The following ATXN10 variants were observed in gnomAD, a reference collection of about 807,000 sequenced individuals.
The protein encoded by ATXN10 is ataxin 10, also known as ataxin-10.
In ATXN10, 28 loss-of-function variants were observed where a neutral mutation model predicts 52.9. That is an observed-to-expected ratio of 0.53 (90% confidence interval 0.39 to 0.73). The LOEUF (loss-of-function observed/expected upper bound fraction) is 0.73. Ranked by LOEUF, ATXN10 falls within the 30% of genes least tolerant of loss-of-function variation. The pLI, the probability that ATXN10 is intolerant of heterozygous loss-of-function variation, is 0.00. For missense variants in ATXN10, 565 were observed against 577.0 expected, an observed-to-expected ratio of 0.98 and a Z score of 0.21; for synonymous variants, 226 against 221.5, an observed-to-expected ratio of 1.02 and a Z score of -0.18.
Position 45,727,337 on chromosome 22 carries a change from A to ATCTATCTG in ATXN10, c.729-2081_729-2080insGTCTATCT, listed in dbSNP as rs1332310979. On this transcript the variant is annotated intron_variant, in intron 6 of 11. Coordinates refer to ENST00000252934, the MANE Select transcript of ATXN10 (RefSeq NM_013236.4). This position sits in a 1 kb window ranked among gnomAD's most constrained non-coding sequence, Gnocchi z 4.6. ...TCTGTCTGTCTATCTATCTATATCT[A>ATCTATCTG]TCTATCTATCTATCTATCTATCTAT... is the stretch of plus-strand genomic sequence containing the variant. Among the ~76,000 whole-genome samples the ATCTATCTG allele has an allele frequency of 8.0e-5, 12 of 150,098 alleles. 1 individual carries two copies. In the East Asian group the frequency reaches 1.4e-3, roughly 17 times the overall value.
chr22:45,821,921 G>T (rs541972891), intron 10 of ATXN10, among the ~76,000 whole-genome samples: 1 of 152,160 alleles, frequency 6.6e-6, no homozygotes, highest in East Asian at 1.9e-4. Context: ...CACTCAGGTC[G>T]AGAGGCAAAA....
chr22:45,695,056 C>T (rs976857928), intron 3 of ATXN10, among the ~76,000 whole-genome samples: 12 of 149,166 alleles, frequency 8.0e-5, no homozygotes, highest in East Asian at 4.1e-4. Flanking sequence ...GTTGGCTGGG[C>T]GCAGTGGCTC....
intron 10 of ATXN10, among the ~76,000 whole-genome samples, chr22:45,809,920 C>T (rs897650343): frequency 6.6e-6 from 1 of 152,002 alleles, no homozygotes; most frequent in Non-Finnish European, 1.5e-5. Flanking sequence ...AAATTCTTTA[C>T]TTTTAGTCAA....
intron 9 of ATXN10, among the ~76,000 whole-genome samples, chr22:45,791,269 T>C (rs563943344): frequency 3.9e-5 from 6 of 152,356 alleles, no homozygotes; most frequent in African/African-American, 1.4e-4. Flanking sequence ...TTTCTGAACA[T>C]CCTTGATTTC....
Position 45,681,118 on chromosome 22 carries a change from A to C in ATXN10, c.117-8594A>C, listed in dbSNP as rs1021909696. 2.6e-5 allele frequency among the ~76,000 whole-genome samples: 4 copies of C among 152,244 alleles called. No individual in the cohort carries two copies. Among genetic ancestry groups the C allele is most frequent in the Non-Finnish European group, 4.4e-5 (3 of 68,044 alleles). ...TGTGGTTAAAAGAGACCTTTGGGTC[A>C]GTCTGCCTCATTCCTTGAAGAGTTT... is the stretch of plus-strand genomic sequence containing the variant. On this transcript the variant is annotated intron_variant, in intron 1 of 11. Transcript: ENST00000252934. This position sits in a 1 kb window ranked among gnomAD's most constrained non-coding sequence, Gnocchi z 4.2.
chr22:45,834,857 C>T (rs764361142), intron 10 of ATXN10, among the ~76,000 whole-genome samples: 18 of 152,112 alleles, frequency 1.2e-4, no homozygotes, highest in Non-Finnish European at 2.1e-4. Flanking sequence ...TGGCTCCTTC[C>T]GAGTCTCAGA....
intron 2 of ATXN10, 80 bp from the exon 3 acceptor site, chr22:45,692,916 C>T (rs1230668290): frequency 8.8e-7 from 1 of 1,142,232 alleles, no homozygotes; most frequent in Middle Eastern, 1.9e-4. Context: ...TCTCAGCTCT[C>T]CCATTGTAGT....
intron 9 of ATXN10, among the ~76,000 whole-genome samples, chr22:45,791,029 A>C (rs1927490258): frequency 6.6e-6 from 1 of 151,996 alleles, no homozygotes; most frequent in African/African-American, 2.4e-5. Context: ...TAATTTTTTA[A>C]AAAATTATTT....
At chr22:45,771,042 C>T (rs1397100079) in intron 9 of ATXN10, among the ~76,000 whole-genome samples, 1 of 152,136 alleles carries the variant, frequency 6.6e-6, no homozygotes, top group Admixed American at 6.5e-5. Flanking sequence ...ACCCTGGCAG[C>T]TTCCTATAAA....
At position 45,792,828 on chromosome 22, in the gene ATXN10, A is replaced by G. The variant is rs924463512; in HGVS notation, c.1174-14131A>G. The G allele has an allele frequency of 7.5e-6, 4 of 532,132 alleles. No homozygotes were observed. The East Asian group carries it at 2.1e-4, about 27-fold the overall frequency. The allele number at this position is 532,132 out of a possible 1,614,324, so 33.0% of individuals were successfully genotyped here. A position where few individuals can be genotyped will look rare whatever the true frequency, so the allele number is the denominator to read the frequency against. On this transcript the variant is annotated intron_variant, in intron 9 of 11. Transcript: ENST00000252934. Reference sequence around the variant, plus strand: ...CTGTACTTTGAATAATGAGGCCAAAAGAGTCATTGGCTTTGGTGAAAAACC... The same window carrying G: ...CTGTACTTTGAATAATGAGGCCAAAGGAGTCATTGGCTTTGGTGAAAAACC...
At chr22:45,693,735 A>G (rs117971313) in intron 3 of ATXN10, among the ~76,000 whole-genome samples, 2 of 152,256 alleles carry the variant, frequency 1.3e-5, no homozygotes, top group East Asian at 3.9e-4. Context: ...AGGTAAAATG[A>G]GGGTATATGA....
chr22:45,816,762 C>T lies in ATXN10; in HGVS notation c.1237+9740C>T, dbSNP rs184209473. Among the ~76,000 whole-genome samples, 10 of 152,184 alleles carry T rather than the reference C, an allele frequency of 6.6e-5. No homozygotes were observed. Among genetic ancestry groups the T allele is most frequent in the Admixed American group, 3.3e-4 (5 of 15,286 alleles). On this transcript the variant is annotated intron_variant, in intron 10 of 11. Coordinates refer to ENST00000252934, the MANE Select transcript of ATXN10 (RefSeq NM_013236.4). This position sits in a 1 kb window ranked among gnomAD's most constrained non-coding sequence, Gnocchi z 5.8. Reference sequence around the variant, plus strand: ...GCAGATGTTCTGGCTTGCAGAACCTCGTGGAGTCTTTATTAGTCACATGTG... The same window carrying T: ...GCAGATGTTCTGGCTTGCAGAACCTTGTGGAGTCTTTATTAGTCACATGTG...
chr22:45,842,954 GAA>G lies in ATXN10; in HGVS notation c.1238-35_1238-34del. 1 of 1,601,766 alleles carries G rather than the reference GAA, an allele frequency of 6.2e-7. No individual in the cohort carries two copies. The highest frequency in any genetic ancestry group is 8.6e-7 in the Non-Finnish European group (1 of 1,168,798). On this transcript the variant is annotated intron_variant, in intron 10 of 11. Transcript: ENST00000252934. This position sits in a 1 kb window ranked among gnomAD's most constrained non-coding sequence, Gnocchi z 4.8. ...ATTCTTATGTGAAGTTATCAAACAG[GAA>G]AGTACGTTGTCACATTCCTTCACTC...
chr22:45,700,237 GT>G lies in ATXN10; in HGVS notation c.392-42del, dbSNP rs767126969. On this transcript the variant is annotated intron_variant, in intron 3 of 11. Transcript: ENST00000252934. Reference sequence around the variant, plus strand: ...TTCTTAAGATGCATTTATTTATTGTGTTTAATCATTTATTTATTTATTTATA... The same window carrying G: ...TTCTTAAGATGCATTTATTTATTGTGTTAATCATTTATTTATTTATTTATA... 14 of 1,260,238 alleles carry G rather than the reference GT, an allele frequency of 1.1e-5. No homozygotes were observed. The African/African-American group carries it at 1.6e-4, about 15-fold the overall frequency. The allele number at this position is 1,260,238 out of a possible 1,614,324, so 78.1% of individuals were successfully genotyped here.
At chr22:45,807,523 G>A (rs1467426995) in intron 10 of ATXN10, among the ~76,000 whole-genome samples, 1 of 152,304 alleles carries the variant, frequency 6.6e-6, no homozygotes, top group Non-Finnish European at 1.5e-5. Context: ...CTCATCTTCG[G>A]AGGGTTTGTC....
At chr22:45,832,189 A>G (rs550327462) in intron 10 of ATXN10, among the ~76,000 whole-genome samples, 2 of 152,280 alleles carry the variant, frequency 1.3e-5, no homozygotes, top group Non-Finnish European at 2.9e-5. Context: ...ATGAGTTCTC[A>G]TTGTGTTAGA....
chr22:45,755,650 T>C (rs1018065904), intron 9 of ATXN10, among the ~76,000 whole-genome samples: 1 of 152,226 alleles, frequency 6.6e-6, no homozygotes, highest in Non-Finnish European at 1.5e-5. Context: ...ACTTGGTTTC[T>C]TCTATAGATT....
chr22:45,716,901 A>G (rs1169348061), intron 5 of ATXN10, among the ~76,000 whole-genome samples: 1 of 152,204 alleles, frequency 6.6e-6, no homozygotes, highest in Non-Finnish European at 1.5e-5. Context: ...TAGTTATCAC[A>G]TCAGTCTTCA....
Position 45,715,583 on chromosome 22 carries a change from G to A in ATXN10, c.648-2830G>A, listed in dbSNP as rs1371563493. On this transcript the variant is annotated intron_variant, in intron 5 of 11. Coordinates refer to ENST00000252934, the MANE Select transcript of ATXN10 (RefSeq NM_013236.4). The surrounding 1 kb of genome is among the most constrained non-coding windows in gnomAD (Gnocchi z 4.4). ...GCTATTCTTAGTATATTTTATCTGTGCCCCAAGACAATTCTTCTTCCAGTG... is the reference window on the plus strand; with the variant it reads ...GCTATTCTTAGTATATTTTATCTGTACCCCAAGACAATTCTTCTTCCAGTG... Among the ~76,000 whole-genome samples, 1 of 152,074 alleles carries A rather than the reference G, an allele frequency of 6.6e-6. No individual in the cohort carries two copies. The highest frequency in any genetic ancestry group is 2.4e-5 in the African/African-American group (1 of 41,408).
Sources: gnomAD v4.1 joint callset for allele counts (sites outside exome capture counted in the v4.1 genomes callset) on GRCh38, gnomAD v4.1.1 for gene constraint, Gnocchi (gnomAD v3.1) non-coding constraint, MANE v1.5 for transcripts, NCBI Gene and HGNC (gene_info 2026-07-23, HGNC 2026-07-21) for gene names.